Variants in SGCG observed in about 807,000 individuals in gnomAD.
SGCG encodes gamma-sarcoglycan.
SGCG carries 26 observed loss-of-function variants against 29.3 expected under a neutral mutation model. The observed-to-expected ratio is 0.89, with a 90% confidence interval of 0.65 to 1.23. SGCG has a LOEUF of 1.23. Ranked by LOEUF, SGCG falls within the 50% of genes most tolerant of loss-of-function variation. The pLI is 0.00. For missense variants in SGCG, 353 were observed against 356.0 expected, an observed-to-expected ratio of 0.99 and a Z score of 0.07; for synonymous variants, 145 against 129.7, an observed-to-expected ratio of 1.12 and a Z score of -0.80.
chr13:23,248,514 C>T (rs955987298), intron 3 of SGCG, among the ~76,000 whole-genome samples: 1 of 143,476 alleles, frequency 7.0e-6, no homozygotes, highest in African/African-American at 2.6e-5. Context: ...TCTTGGCTAA[C>T]GCAGTGAAAC....
chr13:23,314,187 T>G (rs771827158), intron 6 of SGCG, among the ~76,000 whole-genome samples: 2,174 of 96,870 alleles, frequency 0.022, 46 homozygotes, highest in African/African-American at 0.054. Context: ...TATATATATA[T>G]ATAGAGAGAG....
chr13:23,287,086 T>A (rs986071223), intron 5 of SGCG, among the ~76,000 whole-genome samples: 1 of 152,212 alleles, frequency 6.6e-6, no homozygotes, highest in Non-Finnish European at 1.5e-5. Flanking sequence ...CCTGTATATT[T>A]CCTTCTCCTT....
rs368229266 is a variant in SGCG, at chr13:23,322,815, G to A, written c.703-1553G>A. 1.3e-3 allele frequency among the ~76,000 whole-genome samples: 185 copies of A among 139,054 alleles called. 1 individual carries two copies. The highest frequency in any genetic ancestry group is 4.9e-3 in the African/African-American group (181 of 36,680). The allele number at this position is 139,054 out of a possible 152,430, so 91.2% of individuals were successfully genotyped here. On this transcript the variant is annotated intron_variant, in intron 7 of 7. Transcript: ENST00000218867. The stretch of plus-strand genomic sequence containing the variant: ...GCCAACAGGTGTAACGTGGTGCCGC[G>A]GGCAGAGGATTCACCTGGAAGTCAG...
Position 23,315,189 on chromosome 13 carries a change from C to A in SGCG, c.579-5448C>A, listed in dbSNP as rs187028033. Among the ~76,000 whole-genome samples, 22 of 152,272 alleles carry A rather than the reference C, an allele frequency of 1.4e-4. No individual in the cohort carries two copies. The East Asian group carries it at 3.9e-3, about 27-fold the overall frequency. ...AGATAACTACTGTCCTTTTGAGAGA[C>A]AACTCTTGGCCTGTTACTGGGCTTT... On this transcript the variant is annotated intron_variant, in intron 6 of 7. Transcript: ENST00000218867.
rs369851744 is a variant in SGCG at position 23,203,688 on chromosome 13, G to A, written c.1-7G>A. On this transcript the variant is annotated splice_polypyrimidine_tract_variant and splice_region_variant and intron_variant, in intron 1 of 7. Coordinates refer to ENST00000218867, the MANE Select transcript of SGCG (RefSeq NM_000231.3). Reference sequence around the variant, plus strand: ...CTCTCTCCTCTCGTGAACACACTCCGTGGCAGATGGTGCGTGAGCAGTACA... The same window carrying A: ...CTCTCTCCTCTCGTGAACACACTCCATGGCAGATGGTGCGTGAGCAGTACA... The A allele has an allele frequency of 1.0e-5, 16 of 1,607,650 alleles. No homozygotes were observed. The East Asian group carries it at 1.6e-4, about 16-fold the overall frequency.
At chr13:23,318,482 TACAC>T (rs908729449) in intron 6 of SGCG, among the ~76,000 whole-genome samples, 63 of 150,728 alleles carry the variant, frequency 4.2e-4, no homozygotes, top group Admixed American at 9.3e-4. Flanking sequence ...TATTTAATAT[TACAC>T]ACACACATAA....
chr13:23,164,220 C>T, the SGCG span, among the ~76,000 whole-genome samples: 1 of 152,056 alleles, frequency 6.6e-6, no homozygotes, highest in South Asian at 2.1e-4. Flanking sequence ...AAATTACTTG[C>T]CAAAAATATG....
intron 6 of SGCG, among the ~76,000 whole-genome samples, chr13:23,301,653 G>A (rs1201048134): frequency 3.3e-5 from 5 of 152,180 alleles, no homozygotes; most frequent in Admixed American, 1.3e-4. Flanking sequence ...TTGGAAGGCC[G>A]AGGCGGGTGG....
In SGCG at chr13:23,228,222, AAATTGTATTTAG is replaced by A. The variant is rs554373136; in HGVS notation, c.196-6388_196-6377del. Among the ~76,000 whole-genome samples, 6 of 152,320 alleles carry A rather than the reference AAATTGTATTTAG, an allele frequency of 3.9e-5. No individual in the cohort carries two copies. In the East Asian group the frequency reaches 1.2e-3, roughly 29 times the overall value. ...TTTATTTAGTGAACTTTATTTCATG[AAATTGTATTTAG>A]GGTAAATCTTATTGTTTGTAAATTA... On this transcript the variant is annotated intron_variant, in intron 2 of 7. Coordinates refer to ENST00000218867, the MANE Select transcript of SGCG (RefSeq NM_000231.3).
At chr13:23,299,407 C>CATAT (rs1191940207) in intron 6 of SGCG, among the ~76,000 whole-genome samples, 24 of 23,844 alleles carry the variant, frequency 1.0e-3, no homozygotes, top group African/African-American at 2.6e-3. Context: ...TCTTAGTTGG[C>CATAT]ATATATATAT....
intron 3 of SGCG, among the ~76,000 whole-genome samples, chr13:23,249,231 C>T (rs1307231308): frequency 1.3e-5 from 2 of 152,096 alleles, no homozygotes; most frequent in Non-Finnish European, 2.9e-5. Flanking sequence ...ATCCTGGAGA[C>T]ATCAGAGTTG....
intron 4 of SGCG, among the ~76,000 whole-genome samples, chr13:23,273,429 C>A (rs1880943352): frequency 6.6e-6 from 1 of 152,152 alleles, no homozygotes; most frequent in African/African-American, 2.4e-5. Context: ...AGGTGATCTG[C>A]CCACCTCAGC....
At chr13:23,219,994 C>G (rs1158483147) in intron 2 of SGCG, among the ~76,000 whole-genome samples, 1 of 71,700 alleles carries the variant, frequency 1.4e-5, no homozygotes, top group Admixed American at 1.5e-4. Flanking sequence ...TGCCACCACG[C>G]CCGGTCAATT....
chr13:23,230,181 T>C (rs566341762), intron 2 of SGCG, among the ~76,000 whole-genome samples: 1 of 152,340 alleles, frequency 6.6e-6, no homozygotes, highest in Admixed American at 6.5e-5. Context: ...TTGGTTACTG[T>C]AGCCTTGTAG....
chr13:23,300,633 A>G (rs1254047417), intron 6 of SGCG, among the ~76,000 whole-genome samples: 1 of 152,142 alleles, frequency 6.6e-6, no homozygotes, highest in Non-Finnish European at 1.5e-5. Flanking sequence ...GCAAACGCAT[A>G]CTACTTCACG....
intron 5 of SGCG, among the ~76,000 whole-genome samples, chr13:23,292,467 CA>C (rs1370942511): frequency 6.6e-6 from 1 of 152,178 alleles, no homozygotes. Flanking sequence ...AGATATGCCC[CA>C]AATTGCAATT....
At chr13:23,166,759 A>T in the SGCG span, among the ~76,000 whole-genome samples, 2 of 152,120 alleles carry the variant, frequency 1.3e-5, no homozygotes, top group African/African-American at 2.4e-5. Context: ...CATCACAGAA[A>T]AACCTTTTTT....
chr13:23,281,866 G>A (rs938608460), intron 5 of SGCG, among the ~76,000 whole-genome samples: 13 of 152,168 alleles, frequency 8.5e-5, no homozygotes, highest in African/African-American at 2.9e-4. Flanking sequence ...TTCCTAACAG[G>A]CCACAGGCCA....
intron 2 of SGCG, among the ~76,000 whole-genome samples, chr13:23,216,586 A>T (rs1348293584): frequency 6.6e-6 from 1 of 152,058 alleles, no homozygotes; most frequent in Non-Finnish European, 1.5e-5. Flanking sequence ...TCCCTCACAA[A>T]TTTTTCCATC....
Sources: allele counts gnomAD v4.1 joint callset (sites outside exome capture counted in the v4.1 genomes callset), GRCh38; gene constraint gnomAD v4.1.1; transcripts MANE v1.5; gene names NCBI Gene and HGNC (gene_info 2026-07-23, HGNC 2026-07-21).